The following FOXP1 variants were observed in gnomAD, a reference collection of about 807,000 sequenced individuals.
FOXP1 encodes forkhead box protein P1.
Under a neutral mutation model 98.2 loss-of-function variants are expected in FOXP1, and 15 were observed. That is an observed-to-expected ratio of 0.15 (90% CI 0.10 to 0.24). FOXP1 has a LOEUF of 0.24. Ranked by LOEUF, FOXP1 falls within the 10% of genes least tolerant of loss-of-function variation. FOXP1 has a pLI of 1.00. For synonymous variants in FOXP1, 371 were observed against 314.5 expected (o/e 1.18, Z -1.90); for missense variants, 633 against 848.5 (o/e 0.75, Z 3.15).
Position 71,197,919 on chromosome 3 carries a change from G to T in FOXP1, c.180+283C>A, listed in dbSNP as rs761124026. On this transcript the variant is annotated intron_variant, in intron 6 of 20. Transcript: ENST00000649528. ...ATAATTTTATTCAAAATGGGGAAGGGTTAGGCTGACACACAGGTCCACTCA... is the reference window on the plus strand; with the variant it reads ...ATAATTTTATTCAAAATGGGGAAGGTTTAGGCTGACACACAGGTCCACTCA... The T allele has an allele frequency of 4.3e-6, 7 of 1,614,186 alleles. No homozygotes were observed. The East Asian group carries it at 6.7e-5, about 15-fold the overall frequency.
intron 4 of FOXP1, among the ~76,000 whole-genome samples, chr3:71,326,722 AT>A (rs1312552012): frequency 6.6e-6 from 1 of 152,122 alleles, no homozygotes; most frequent in Non-Finnish European, 1.5e-5. Flanking sequence ...GTGGGTAAAT[AT>A]TTTTTTAAAG....
At chr3:71,032,844 G>A (rs2047057100) in intron 11 of FOXP1, among the ~76,000 whole-genome samples, 1 of 152,256 alleles carries the variant, frequency 6.6e-6, no homozygotes, top group Admixed American at 6.5e-5. Context: ...TTTATTATAA[G>A]AATAGGACTT....
intron 4 of FOXP1, among the ~76,000 whole-genome samples, chr3:71,320,783 C>T (rs62247704): frequency 1.3e-5 from 2 of 152,188 alleles, no homozygotes; most frequent in African/African-American, 4.8e-5. Context: ...ATAAAATCAG[C>T]TCTTCTCCAT....
rs539077243 is a variant in FOXP1 at position 71,453,884 on chromosome 3, T to C, written c.-168+39542A>G. On this transcript the variant is annotated intron_variant, in intron 3 of 20. Transcript: ENST00000649528. ...GAAAGACTCTCCTCATCCCTTTTTA[T>C]GCAAAGAGTATCTTACAAACGCATT... Among the ~76,000 whole-genome samples, 4 of 152,332 alleles carry C rather than the reference T, an allele frequency of 2.6e-5. No homozygotes were observed. In the East Asian group the frequency reaches 5.8e-4, roughly 22 times the overall value.
chr3:71,389,945 A>C (rs1456726484), intron 3 of FOXP1, among the ~76,000 whole-genome samples: 1 of 152,182 alleles, frequency 6.6e-6, no homozygotes, highest in East Asian at 1.9e-4. Flanking sequence ...GGAAACCTTC[A>C]GCAGCAGAAA....
At chr3:71,108,408 C>A (rs779414016) in intron 7 of FOXP1, among the ~76,000 whole-genome samples, 4 of 152,198 alleles carry the variant, frequency 2.6e-5, no homozygotes, top group Admixed American at 2.0e-4. Context: ...TATGAGTACA[C>A]CTGCACTGTT....
At chr3:71,582,933 C>T (rs2048304751) in intron 1 of FOXP1, 4 of 438,872 alleles carry the variant, frequency 9.1e-6, no homozygotes, top group South Asian at 9.4e-5. Flanking sequence ...TTGCTGGGGC[C>T]CGCGGGGCAG....
At chr3:71,374,910 C>G (rs2079609778) in intron 3 of FOXP1, among the ~76,000 whole-genome samples, 1 of 152,192 alleles carries the variant, frequency 6.6e-6, no homozygotes, top group Non-Finnish European at 1.5e-5. Flanking sequence ...ATCTACTAGC[C>G]ATTTCCAGAC....
Position 70,956,412 on chromosome 3 carries a change from TTTC to T in FOXP1, c.*2832_*2834del, listed in dbSNP as rs1162783536. The T allele has an allele frequency of 3.1e-5, 7 of 227,270 alleles. No homozygotes were observed. Among genetic ancestry groups the T allele is most frequent in the South Asian group, 1.9e-4 (1 of 5,386 alleles). The allele number at this position is 227,270 out of a possible 1,614,324, so 14.1% of individuals were successfully genotyped here. On this transcript the variant is annotated 3_prime_UTR_variant, in exon 21 of 21. Coordinates refer to ENST00000649528, the MANE Select transcript of FOXP1 (RefSeq NM_001349338.3). ...CTGCAAAGATATGTAAAATCTAATT[TTTC>T]TTTTTTTTTTTTTTTTGCTACAGTC...
At chr3:71,060,355 T>G (rs1305767910) in intron 7 of FOXP1, among the ~76,000 whole-genome samples, 1 of 152,118 alleles carries the variant, frequency 6.6e-6, no homozygotes, top group Non-Finnish European at 1.5e-5. Flanking sequence ...GAGATTCTAA[T>G]GAGAAAACAT....
At chr3:71,408,621 C>G (rs2082511183) in intron 3 of FOXP1, among the ~76,000 whole-genome samples, 1 of 152,202 alleles carries the variant, frequency 6.6e-6, no homozygotes, top group African/African-American at 2.4e-5. Flanking sequence ...AAAGCGGAAG[C>G]ATTTAGATGA....
At chr3:71,028,093 T>C (rs1576281410) in intron 11 of FOXP1, among the ~76,000 whole-genome samples, 1 of 152,140 alleles carries the variant, frequency 6.6e-6, no homozygotes, top group Non-Finnish European at 1.5e-5. Context: ...ACAAAAAATC[T>C]AGGAAGACAA....
At chr3:71,545,960 A>G (rs2045323552) in intron 2 of FOXP1, among the ~76,000 whole-genome samples, 1 of 152,238 alleles carries the variant, frequency 6.6e-6, no homozygotes, top group Admixed American at 6.5e-5. Context: ...TATCCTGGCA[A>G]AAGTCCAAAA....
At chr3:71,083,420 C>A (rs1267545666) in intron 7 of FOXP1, among the ~76,000 whole-genome samples, 3 of 152,174 alleles carry the variant, frequency 2.0e-5, no homozygotes, top group Non-Finnish European at 4.4e-5. Flanking sequence ...TTATAAATTA[C>A]CCAGCCACAG....
At chr3:70,967,700 G>GTTGTTTTTTTTTTTTTTT (rs2035202316) in intron 19 of FOXP1, among the ~76,000 whole-genome samples, 1 of 63,628 alleles carries the variant, frequency 1.6e-5, no homozygotes, top group Non-Finnish European at 3.1e-5. Flanking sequence ...TTTTTTTTTT[G>GTTGTTTTTTTTTTTTTTT]TTTTTTTTTG....
chr3:71,453,701 T>A (rs1010066167), intron 3 of FOXP1, among the ~76,000 whole-genome samples: 1 of 152,064 alleles, frequency 6.6e-6, no homozygotes, highest in Non-Finnish European at 1.5e-5. Context: ...ATAAACACCA[T>A]CCCCAAAATG....
chr3:71,193,248 C>T (rs1213697408), intron 6 of FOXP1, among the ~76,000 whole-genome samples: 1 of 105,908 alleles, frequency 9.4e-6, no homozygotes, highest in Non-Finnish European at 1.8e-5. Flanking sequence ...CCCAGGTTCA[C>T]GCCATTCTCC....
At chr3:71,274,071 G>T (rs7647520) in intron 5 of FOXP1, among the ~76,000 whole-genome samples, 35,422 of 151,988 alleles carry the variant, frequency 0.23, 4,512 homozygotes, top group Non-Finnish European at 0.27. Context: ...AGAAATGAAG[G>T]AGCCCTCCCT....
Position 71,213,944 on chromosome 3 carries a change from G to A in FOXP1, c.-11-15552C>T, listed in dbSNP as rs147694500. Among the ~76,000 whole-genome samples the A allele has an allele frequency of 7.2e-5, 11 of 152,344 alleles. No homozygotes were observed. In the East Asian group the frequency reaches 2.1e-3, roughly 29 times the overall value. ...GCAGTGGGTTCCAATCAGGTACTAC[G>A]ATGATGAATGGATCTAGAGTGAATG... On this transcript the variant is annotated intron_variant, in intron 5 of 20. Coordinates refer to ENST00000649528, the MANE Select transcript of FOXP1 (RefSeq NM_001349338.3).
Sources: gnomAD v4.1 joint callset for allele counts (sites outside exome capture counted in the v4.1 genomes callset) on GRCh38, gnomAD v4.1.1 for gene constraint, MANE v1.5 for transcripts, NCBI Gene and HGNC (gene_info 2026-07-23, HGNC 2026-07-21) for gene names.